The following ATP2A2 variants were observed in gnomAD, a reference collection of about 807,000 sequenced individuals.
ATP2A2 encodes the protein sarcoplasmic/endoplasmic reticulum calcium ATPase 2.
ATP2A2 carries 14 observed loss-of-function variants against 109.3 expected under a neutral mutation model. The ratio of observed to expected loss-of-function variants is 0.13; its 90% confidence interval spans 0.08 to 0.20. The LOEUF (loss-of-function observed/expected upper bound fraction) is 0.20. ATP2A2 is among the 10% of genes least tolerant of loss of function. ATP2A2 has a pLI of 1.00. For missense variants in ATP2A2, 657 were observed against 1,321.6 expected (o/e 0.50, Z 7.80); for synonymous variants, 506 against 490.9 (o/e 1.03, Z -0.41).
intron 14 of ATP2A2, among the ~76,000 whole-genome samples, chr12:110,341,433 A>G (rs1316859841): frequency 6.6e-6 from 1 of 151,146 alleles, no homozygotes; most frequent in South Asian, 2.1e-4. Context: ...CTTCTCTTTT[A>G]AAAAAAAATC....
chr12:110,301,155 A>G (rs1056591287), intron 5 of ATP2A2, among the ~76,000 whole-genome samples: 1 of 152,188 alleles, frequency 6.6e-6, no homozygotes, highest in African/African-American at 2.4e-5. Context: ...GGTGTGAGCC[A>G]CTGTGCTCTG....
chr12:110,301,044 A>C (rs1250804055), intron 5 of ATP2A2, among the ~76,000 whole-genome samples: 1 of 151,976 alleles, frequency 6.6e-6, no homozygotes, highest in Non-Finnish European at 1.5e-5. Context: ...ATTTTTTTAA[A>C]AAAATAGAGA....
In ATP2A2 at chr12:110,347,381, C is replaced by A; in HGVS notation, c.*911C>A. On this transcript the variant is annotated 3_prime_UTR_variant, in exon 20 of 20. Transcript: ENST00000539276. ...ACCTGGGACTAACAGACATGTCCAACTTTCTCTCCAGTTCTTAGCTCAGAA... is the reference window on the plus strand; with the variant it reads ...ACCTGGGACTAACAGACATGTCCAAATTTCTCTCCAGTTCTTAGCTCAGAA... The A allele has an allele frequency of 1.6e-6, 2 of 1,289,174 alleles. No individual in the cohort carries two copies. Among genetic ancestry groups the A allele is most frequent in the Middle Eastern group, 4.3e-4 (2 of 4,688 alleles). 79.9% of individuals were successfully genotyped at this position (1,289,174 alleles called of 1,614,324 possible).
chr12:110,288,030 C>T (rs1872842189), intron 3 of ATP2A2, among the ~76,000 whole-genome samples: 1 of 151,708 alleles, frequency 6.6e-6, no homozygotes, highest in Non-Finnish European at 1.5e-5. Context: ...GCCTCAGACA[C>T]CTGGGCTGAA....
At chr12:110,310,739 G>A (rs1232814741) in intron 5 of ATP2A2, among the ~76,000 whole-genome samples, 1 of 152,198 alleles carries the variant, frequency 6.6e-6, no homozygotes, top group African/African-American at 2.4e-5. Context: ...CCAACAGGGT[G>A]CCAGCAATTT....
At chr12:110,320,209 A>T (rs1376570755) in intron 5 of ATP2A2, among the ~76,000 whole-genome samples, 1 of 152,190 alleles carries the variant, frequency 6.6e-6, no homozygotes, top group Non-Finnish European at 1.5e-5. Flanking sequence ...ACTCAATTTA[A>T]ATATTAGATT....
intron 5 of ATP2A2, among the ~76,000 whole-genome samples, chr12:110,310,883 A>G (rs1295491549): frequency 9.2e-5 from 14 of 152,246 alleles, no homozygotes; most frequent in African/African-American, 3.4e-4. Context: ...AGTAGCAGGT[A>G]TAAACTGCTT....
chr12:110,350,695 G>C lies in ATP2A2; in HGVS notation c.*4225G>C, dbSNP rs1013507753. On this transcript the variant is annotated 3_prime_UTR_variant, in exon 20 of 20. Transcript: ENST00000539276. ...TCAATTGTAATGCATGCCTTCGGTT[G>C]TAAGTAGCCAGATCCCTCTCCAGTG... is the stretch of plus-strand genomic sequence containing the variant. 13 of 265,758 alleles carry C rather than the reference G, an allele frequency of 4.9e-5. No homozygotes were observed. The highest frequency in any genetic ancestry group is 2.4e-4 in the African/African-American group (11 of 45,248). The allele number at this position is 265,758 out of a possible 1,614,324, so 16.5% of individuals were successfully genotyped here. A position where few individuals can be genotyped will look rare whatever the true frequency, so the allele number is the denominator to read the frequency against.
chr12:110,321,551 A>G (rs554911697), intron 5 of ATP2A2, among the ~76,000 whole-genome samples: 3 of 152,256 alleles, frequency 2.0e-5, no homozygotes, highest in East Asian at 1.9e-4. Context: ...GCTCACTGCA[A>G]CCGTCTGAGT....
intron 4 of ATP2A2, 191 bp from the exon 5 acceptor site, chr12:110,296,408 C>T (rs1427433822): frequency 2.8e-6 from 2 of 705,620 alleles, no homozygotes; most frequent in Non-Finnish European, 4.8e-6. Flanking sequence ...GGGTACTTAA[C>T]GTTTCGTTTT....
rs546324458 is a variant in ATP2A2 at position 110,323,764 on chromosome 12, C to T, written c.544+692C>T. Among the ~76,000 whole-genome samples, 178 of 152,278 alleles carry T rather than the reference C, an allele frequency of 1.2e-3. 1 individual carries two copies. The highest frequency in any genetic ancestry group is 4.1e-3 in the African/African-American group (171 of 41,554). ...CCATGCTTGTGCCTCTGCACTCCAG[C>T]CTGGGGGACAGAGCAAGACTCTGTC... is the stretch of plus-strand genomic sequence containing the variant. On this transcript the variant is annotated intron_variant, in intron 6 of 19. Transcript: ENST00000539276.
At chr12:110,298,671 T>C (rs1255330390) in intron 5 of ATP2A2, among the ~76,000 whole-genome samples, 1 of 152,112 alleles carries the variant, frequency 6.6e-6, no homozygotes, top group East Asian at 1.9e-4. Flanking sequence ...TGAGCCGAGG[T>C]CGTGCCATTT....
intron 3 of ATP2A2, among the ~76,000 whole-genome samples, chr12:110,285,276 T>C (rs964342338): frequency 1.1e-4 from 16 of 152,202 alleles, no homozygotes; most frequent in Non-Finnish European, 2.9e-5. Flanking sequence ...TCACTTGGAT[T>C]GAAAGAAATA....
chr12:110,289,574 T>C (rs979936040), intron 3 of ATP2A2, among the ~76,000 whole-genome samples: 1 of 152,206 alleles, frequency 6.6e-6, no homozygotes, highest in Non-Finnish European at 1.5e-5. Flanking sequence ...TTTTTCTTTT[T>C]GTCCTGCTCA....
At chr12:110,298,982 G>A (rs1377097914) in intron 5 of ATP2A2, among the ~76,000 whole-genome samples, 2 of 151,930 alleles carry the variant, frequency 1.3e-5, no homozygotes, top group African/African-American at 4.8e-5. Flanking sequence ...TTTTTTTGAT[G>A]AGGGGAAGAC....
In ATP2A2 at chr12:110,349,796, G is replaced by A. The variant is rs767567418; in HGVS notation, c.*3326G>A. On this transcript the variant is annotated 3_prime_UTR_variant, in exon 20 of 20. Coordinates refer to ENST00000539276, the MANE Select transcript of ATP2A2 (RefSeq NM_170665.4). The stretch of plus-strand genomic sequence containing the variant: ...AACACCCGCTGCAGTTAGCAAGAAG[G>A]GTAGGCTTCACCCTCCTTTACTGAG... The A allele has an allele frequency of 1.1e-4, 111 of 1,021,250 alleles. No homozygotes were observed. Among genetic ancestry groups the A allele is most frequent in the Non-Finnish European group, 1.3e-4 (110 of 850,734 alleles). The allele number at this position is 1,021,250 out of a possible 1,614,324, so 63.3% of individuals were successfully genotyped here.
intron 8 of ATP2A2, 81 bp downstream of exon 8, chr12:110,328,098 T>A: frequency 7.2e-7 from 1 of 1,390,464 alleles, no homozygotes; most frequent in Admixed American, 1.8e-5. Context: ...TCAAAACTTT[T>A]GATTTGTAAT....
chr12:110,286,644 T>C (rs1872691792), intron 3 of ATP2A2, among the ~76,000 whole-genome samples: 1 of 152,094 alleles, frequency 6.6e-6, no homozygotes, highest in African/African-American at 2.4e-5. Context: ...TCGTAACGTT[T>C]ATTGGTAATT....
chr12:110,320,809 G>A (rs1877161210), intron 5 of ATP2A2, among the ~76,000 whole-genome samples: 1 of 152,192 alleles, frequency 6.6e-6, no homozygotes, highest in African/African-American at 2.4e-5. Flanking sequence ...GTGCCGCCTT[G>A]TGACCACATT....
Sources: gnomAD v4.1 joint callset for allele counts (sites outside exome capture counted in the v4.1 genomes callset) on GRCh38, gnomAD v4.1.1 for gene constraint, MANE v1.5 for transcripts, NCBI Gene and HGNC (gene_info 2026-07-23, HGNC 2026-07-21) for gene names.